VSTM2A: variants seen among roughly 807,000 people sequenced by gnomAD.
The protein encoded by VSTM2A is V-set and transmembrane domain containing 2A, also known as V-set and transmembrane domain-containing protein 2A.
VSTM2A carries 13 observed loss-of-function variants against 27.3 expected under a neutral mutation model. The observed-to-expected ratio is 0.48, with a 90% CI of 0.31 to 0.76. The LOEUF (loss-of-function observed/expected upper bound fraction) is 0.76, where lower values mean the gene tolerates loss of function less well. VSTM2A is among the 30% of genes least tolerant of loss of function. The pLI is 0.05. For synonymous variants in VSTM2A, 142 were observed against 125.7 expected, an observed-to-expected ratio of 1.13 and a Z score of -0.87; for missense variants, 280 against 310.0, an observed-to-expected ratio of 0.90 and a Z score of 0.73.
In VSTM2A at chr7:54,556,062, T is replaced by A. The variant is rs558344267; in HGVS notation, c.634+5892T>A. Among the ~76,000 whole-genome samples the A allele has an allele frequency of 6.6e-5, 10 of 152,372 alleles. No homozygotes were observed. In the South Asian group the frequency reaches 2.1e-3, roughly 32 times the overall value. On this transcript the variant is annotated intron_variant, in intron 4 of 4. Coordinates refer to ENST00000402613, the MANE Select transcript of VSTM2A (RefSeq NM_001301009.2). ...AAAAAATTTTCTTCTTATCATTTAC[T>A]ATGAGATATATATCTGTATGTGTAT...
In VSTM2A at chr7:54,550,157, A is replaced by C; in HGVS notation, c.621A>C (p.Gln207His). 1 of 1,599,272 alleles carries C rather than the reference A, an allele frequency of 6.3e-7. No homozygotes were observed. The highest frequency in any genetic ancestry group is 8.5e-7 in the Non-Finnish European group (1 of 1,173,086). Residue 207 changes from glutamine to histidine, a missense_variant, in exon 4 of 5, where the codon CAA (glutamine) becomes CAC (histidine). Transcript: ENST00000402613. ...SPQVVAKIPKQSPQSAKSKSP... is the reference protein window; with the variant it reads ...SPQVVAKIPKHSPQSAKSKSP... ...AAGTGGTAGCCAAAATCCCCAAACA[A>C]AGTCCACAATCAGGTATGGAAACCC... is the stretch of plus-strand genomic sequence containing the variant.
intron 3 of VSTM2A, among the ~76,000 whole-genome samples, chr7:54,548,064 G>A (rs1788060199): frequency 6.6e-6 from 1 of 152,020 alleles, no homozygotes; most frequent in Non-Finnish European, 1.5e-5. Flanking sequence ...TACAATATTA[G>A]AAAAGCTTTA....
intron 4 of VSTM2A, 87 bp from the exon 5 acceptor site, chr7:54,569,044 C>G: frequency 6.2e-7 from 1 of 1,606,048 alleles, no homozygotes; most frequent in Non-Finnish European, 8.5e-7. Flanking sequence ...ACTTTCTGTC[C>G]TGCTTCTTGT....
rs919000580 is a variant in VSTM2A, at chr7:54,570,794, T to C, written c.*1575T>C. The stretch of plus-strand genomic sequence containing the variant: ...GAGAGACTCTTCCATTTTCTCTCAT[T>C]ACAAAACCAGAAGATCAGCTATGTG... On this transcript the variant is annotated 3_prime_UTR_variant, in exon 5 of 5. Coordinates refer to ENST00000402613, the MANE Select transcript of VSTM2A (RefSeq NM_001301009.2). The C allele has an allele frequency of 1.3e-5, 2 of 152,186 alleles. No individual in the cohort carries two copies. Among genetic ancestry groups the C allele is most frequent in the East Asian group, 3.8e-4 (2 of 5,196 alleles). 9.4% of individuals were successfully genotyped at this position (152,186 alleles called of 1,614,324 possible). A position where few individuals can be genotyped will look rare whatever the true frequency, so the allele number is the denominator to read the frequency against.
intron 4 of VSTM2A, among the ~76,000 whole-genome samples, chr7:54,565,487 C>T (rs559764443): frequency 3.9e-5 from 6 of 152,308 alleles, no homozygotes; most frequent in Admixed American, 2.0e-4. Context: ...GTAGCACAGA[C>T]GGAGGTCTAA....
At chr7:54,542,846 CGTGT>C (rs149647056) in intron 1 of VSTM2A, 37 bp downstream of exon 1, 2 of 1,566,098 alleles carry the variant, frequency 1.3e-6, no homozygotes, top group African/African-American at 1.4e-5. Context: ...CATTTGCTTG[CGTGT>C]GTGTGTGTTT....
At chr7:54,544,852 G>C in intron 2 of VSTM2A, 64 bp downstream of exon 2, 1 of 1,495,758 alleles carries the variant, frequency 6.7e-7, no homozygotes, top group East Asian at 2.5e-5. Context: ...TGTCCGGCCC[G>C]GGGCTGGGGG....
At chr7:54,566,962 A>T (rs1788744599) in intron 4 of VSTM2A, among the ~76,000 whole-genome samples, 1 of 152,232 alleles carries the variant, frequency 6.6e-6, no homozygotes, top group Admixed American at 6.5e-5. Flanking sequence ...AATTAGTATA[A>T]ATCTGAATGA....
At chr7:54,567,887 T>A (rs925788772) in intron 4 of VSTM2A, among the ~76,000 whole-genome samples, 1 of 152,208 alleles carries the variant, frequency 6.6e-6, no homozygotes, top group African/African-American at 2.4e-5. Flanking sequence ...TACATTTTCC[T>A]TGCAAAATCT....
Position 54,544,802 on chromosome 7 carries a change from C to T in VSTM2A, c.246+14C>T, listed in dbSNP as rs985774862. The stretch of plus-strand genomic sequence containing the variant: ...GCCGGCGCGCAGGTAGCGGAGCCCG[C>T]CGACCCCGCGTCTCCCCTTCGCTCG... On this transcript the variant is annotated intron_variant, in intron 2 of 4. Transcript: ENST00000402613. 3 of 1,586,230 alleles carry T rather than the reference C, an allele frequency of 1.9e-6. No individual in the cohort carries two copies. In the African/African-American group the frequency reaches 4.0e-5, roughly 21 times the overall value.
intron 4 of VSTM2A, among the ~76,000 whole-genome samples, chr7:54,565,822 G>A (rs1788703088): frequency 6.6e-6 from 1 of 152,238 alleles, no homozygotes; most frequent in African/African-American, 2.4e-5. Context: ...ATACGATAGT[G>A]AAGTTAATAT....
chr7:54,544,686 C>T lies in VSTM2A; in HGVS notation c.144C>T (p.Cys48=), dbSNP rs764137275. Residue 48 remains cysteine (C), a synonymous_variant, in exon 2 of 5, where the codon TGC becomes TGT. Coordinates refer to ENST00000402613, the MANE Select transcript of VSTM2A (RefSeq NM_001301009.2). ...AGGGGCAGAATGTGGAGATGTCCTG[C>T]GCCTTCCAGAGCGGCTCCGCCTCGG... The part of the protein sequence containing the change: ...ATEGQNVEMS[C]AFQSGSASVY... The T allele has an allele frequency of 6.2e-7, 1 of 1,612,938 alleles. No homozygotes were observed. Among genetic ancestry groups the T allele is most frequent in the East Asian group, 2.2e-5 (1 of 44,864 alleles).
chr7:54,568,611 C>G (rs1788794386), intron 4 of VSTM2A, among the ~76,000 whole-genome samples: 1 of 151,536 alleles, frequency 6.6e-6, no homozygotes, highest in Non-Finnish European at 1.5e-5. Flanking sequence ...GAGGAGCCTG[C>G]TGTTCTTAGG....
intron 4 of VSTM2A, among the ~76,000 whole-genome samples, chr7:54,554,919 G>C (rs188950403): frequency 3.2e-4 from 49 of 152,334 alleles, no homozygotes; most frequent in Middle Eastern, 3.4e-3. Context: ...CTAGGTTGTA[G>C]TGAGGTTTGT....
At chr7:54,564,100 T>C (rs1788647314) in intron 4 of VSTM2A, among the ~76,000 whole-genome samples, 1 of 152,220 alleles carries the variant, frequency 6.6e-6, no homozygotes, top group Non-Finnish European at 1.5e-5. Context: ...GGGCCGCGTC[T>C]ACTCGAAGAG....
intron 4 of VSTM2A, among the ~76,000 whole-genome samples, chr7:54,555,886 C>A (rs994743938): frequency 6.6e-6 from 1 of 152,162 alleles, no homozygotes; most frequent in African/African-American, 2.4e-5. Flanking sequence ...CCTACCTATG[C>A]CAGACTCATC....
intron 1 of VSTM2A, among the ~76,000 whole-genome samples, 181 bp downstream of exon 1, chr7:54,542,990 G>A (rs1787834636): frequency 6.6e-6 from 1 of 152,078 alleles, no homozygotes; most frequent in African/African-American, 2.4e-5. Context: ...GACTAGCTAG[G>A]CTGGAGAGAA....
chr7:54,556,558 T>C (rs940555978), intron 4 of VSTM2A, among the ~76,000 whole-genome samples: 1 of 152,208 alleles, frequency 6.6e-6, no homozygotes, highest in African/African-American at 2.4e-5. Flanking sequence ...GATTTTTGTT[T>C]AAATGATCCA....
intron 1 of VSTM2A, among the ~76,000 whole-genome samples, chr7:54,544,065 G>A (rs756788188): frequency 1.7e-4 from 26 of 152,336 alleles, no homozygotes; most frequent in Admixed American, 3.9e-4. Flanking sequence ...TGGAGAGAAG[G>A]AAACATATAC....
Sources: gnomAD v4.1 joint callset for allele counts (sites outside exome capture counted in the v4.1 genomes callset) on GRCh38, gnomAD v4.1.1 for gene constraint, MANE v1.5 for transcripts, NCBI Gene and HGNC (gene_info 2026-07-23, HGNC 2026-07-21) for gene names.